Variants in HDAC8 observed in about 807,000 individuals in gnomAD.
The protein encoded by HDAC8 is histone deacetylase-like 1.
HDAC8 carries 1 observed loss-of-function variant against 32.2 expected under a neutral mutation model. The observed-to-expected ratio is 0.03, with a 90% CI of 0.01 to 0.15. The LOEUF (loss-of-function observed/expected upper bound fraction) is 0.15, where lower values mean the gene tolerates loss of function less well. HDAC8 is among the 10% of genes least tolerant of loss of function. HDAC8 has a pLI of 1.00. For synonymous variants in HDAC8, 108 were observed against 113.9 expected, an observed-to-expected ratio of 0.95 and a Z score of 0.33; for missense variants, 117 against 300.0, an observed-to-expected ratio of 0.39 and a Z score of 4.51.
chrX:72,342,124 T>C (rs1337439286), intron 10 of HDAC8, among the ~76,000 whole-genome samples: 3 of 112,761 alleles, frequency 2.7e-5, no homozygotes, highest in African/African-American at 9.7e-5. Flanking sequence ...AATTTAGAAA[T>C]CTTTGTGAAA....
At chrX:72,571,501 G>A (rs935684741) in intron 2 of HDAC8, among the ~76,000 whole-genome samples, 1 of 104,139 alleles carries the variant, frequency 9.6e-6, no homozygotes, top group Non-Finnish European at 2.0e-5. Context: ...ACTGCTTCCT[G>A]CACTTTCCAC....
chrX:72,341,211 CT>C (rs1555944999), intron 10 of HDAC8, among the ~76,000 whole-genome samples: 2 of 112,009 alleles, frequency 1.8e-5, no homozygotes, highest in African/African-American at 6.5e-5. Context: ...GGTCACCAGG[CT>C]GGAAGCCAAA....
At chrX:72,438,373 C>A (rs2047016641) in intron 9 of HDAC8, among the ~76,000 whole-genome samples, 1 of 111,940 alleles carries the variant, frequency 8.9e-6, no homozygotes, top group East Asian at 2.8e-4. Flanking sequence ...GTAGATAAAT[C>A]AACGAAGATG....
At chrX:72,379,743 C>T (rs1229457571) in intron 9 of HDAC8, among the ~76,000 whole-genome samples, 1 of 110,776 alleles carries the variant, frequency 9.0e-6, no homozygotes, top group African/African-American at 3.3e-5. Flanking sequence ...CTCAGGTGAT[C>T]CACCTGCCTC....
At chrX:72,428,678 T>A (rs1335137688) in intron 9 of HDAC8, among the ~76,000 whole-genome samples, 1 of 111,689 alleles carries the variant, frequency 9.0e-6, no homozygotes, top group African/African-American at 3.3e-5. Context: ...AACCTTCCAG[T>A]CTAAGGTCAC....
chrX:72,369,560 ACAAG>A (rs2044805970), intron 9 of HDAC8, among the ~76,000 whole-genome samples: 1 of 112,096 alleles, frequency 8.9e-6, no homozygotes, highest in Non-Finnish European at 1.9e-5. Flanking sequence ...AGAAGGGCAG[ACAAG>A]CAGGCAGGCA....
chrX:72,413,077 G>A (rs2147903420), intron 9 of HDAC8, among the ~76,000 whole-genome samples: 1 of 109,024 alleles, frequency 9.2e-6, no homozygotes, highest in South Asian at 3.9e-4. Context: ...TTTTAATTGT[G>A]TGCTTACCAA....
chrX:72,456,210 T>G (rs2047712780), intron 9 of HDAC8, among the ~76,000 whole-genome samples: 1 of 112,001 alleles, frequency 8.9e-6, no homozygotes, highest in South Asian at 3.7e-4. Flanking sequence ...AGAAATTTCT[T>G]TTTATCTTTG....
chrX:72,521,719 GTC>G (rs1556028862), intron 4 of HDAC8, among the ~76,000 whole-genome samples: 1 of 111,113 alleles, frequency 9.0e-6, no homozygotes. Flanking sequence ...ATCTGTCTCT[GTC>G]TCTCTCTCCC....
chrX:72,424,451 T>C (rs1258172143), intron 9 of HDAC8, among the ~76,000 whole-genome samples: 1 of 111,693 alleles, frequency 9.0e-6, no homozygotes, highest in Non-Finnish European at 1.9e-5. Flanking sequence ...TTATTGGCTA[T>C]TGGACCTCAT....
At chrX:72,396,362 T>G (rs1461475588) in intron 9 of HDAC8, among the ~76,000 whole-genome samples, 1 of 112,512 alleles carries the variant, frequency 8.9e-6, no homozygotes, top group Admixed American at 9.4e-5. Context: ...GTCTGCAGCC[T>G]GCCTTTGGCT....
At chrX:72,385,824 G>A (rs1286956758) in intron 9 of HDAC8, among the ~76,000 whole-genome samples, 1 of 111,896 alleles carries the variant, frequency 8.9e-6, no homozygotes, top group Non-Finnish European at 1.9e-5. Flanking sequence ...AGTTTGGGGA[G>A]TAACACAGCT....
chrX:72,436,957 C>T (rs2046967531), intron 9 of HDAC8, among the ~76,000 whole-genome samples: 1 of 111,898 alleles, frequency 8.9e-6, no homozygotes, highest in African/African-American at 3.3e-5. Context: ...CTTAAGAATA[C>T]TATAGATAAA....
At chrX:72,396,999 T>A (rs782820817) in intron 9 of HDAC8, among the ~76,000 whole-genome samples, 1 of 111,757 alleles carries the variant, frequency 8.9e-6, no homozygotes, top group African/African-American at 3.3e-5. Flanking sequence ...GCCAGGCATC[T>A]GCTTGGCTTC....
chrX:72,398,378 T>C (rs1382942064), intron 9 of HDAC8, among the ~76,000 whole-genome samples: 2 of 111,315 alleles, frequency 1.8e-5, no homozygotes, highest in African/African-American at 6.5e-5. Flanking sequence ...TAGGCTGGAG[T>C]GCAGTGGCGC....
intron 4 of HDAC8, among the ~76,000 whole-genome samples, chrX:72,551,252 A>G (rs1478837263): frequency 8.9e-6 from 1 of 111,777 alleles, no homozygotes; most frequent in Non-Finnish European, 1.9e-5. Flanking sequence ...ACACTAATGA[A>G]GTCCTTGAAT....
intron 4 of HDAC8, among the ~76,000 whole-genome samples, chrX:72,546,623 TAAGGG>T (rs1377043160): frequency 9.0e-6 from 1 of 110,660 alleles, no homozygotes; most frequent in Non-Finnish European, 1.9e-5. Context: ...TAGTTCCATG[TAAGGG>T]AATTTACATG....
intron 10 of HDAC8, among the ~76,000 whole-genome samples, chrX:72,348,370 G>C (rs972319825): frequency 4.2e-4 from 47 of 112,251 alleles, no homozygotes; most frequent in African/African-American, 1.5e-3. Context: ...CAGTCTTGTA[G>C]ACAGGTTCAG....
intron 5 of HDAC8, among the ~76,000 whole-genome samples, chrX:72,492,472 G>A (rs782498329): frequency 9.0e-6 from 1 of 110,964 alleles, no homozygotes; most frequent in South Asian, 3.9e-4. Flanking sequence ...TAGTTAGGTA[G>A]ATGAAAGAAG....
Sources: gnomAD v4.1 joint callset for allele counts (sites outside exome capture counted in the v4.1 genomes callset) on GRCh38, gnomAD v4.1.1 for gene constraint, MANE v1.5 for transcripts, NCBI Gene and HGNC (gene_info 2026-07-23, HGNC 2026-07-21) for gene names.